Variants in CTNND2 observed in about 807,000 individuals in gnomAD.
CTNND2 encodes the protein catenin delta 2, also known as catenin delta-2.
A neutral mutation model predicts 144.4 loss-of-function variants in CTNND2; 22 were observed. The ratio of observed to expected loss-of-function variants is 0.15; its 90% CI spans 0.11 to 0.22. The LOEUF is 0.22. Ranked by LOEUF, CTNND2 falls within the 10% of genes least tolerant of loss-of-function variation. CTNND2 has a pLI of 1.00. For missense variants in CTNND2, 1,353 were observed against 1,618.8 expected (o/e 0.84, Z 2.82); for synonymous variants, 751 against 695.6 (o/e 1.08, Z -1.25).
At chr5:11,818,102 A>G (rs776070893) in intron 1 of CTNND2, among the ~76,000 whole-genome samples, 9 of 150,434 alleles carry the variant, frequency 6.0e-5, no homozygotes, top group Middle Eastern at 3.5e-3. Flanking sequence ...CATGCTTACT[A>G]ATACGACAGT....
chr5:11,591,147 C>T (rs891455223), intron 2 of CTNND2, among the ~76,000 whole-genome samples: 5 of 152,162 alleles, frequency 3.3e-5, no homozygotes, highest in African/African-American at 1.2e-4. Flanking sequence ...CATTTTTCAC[C>T]TAGAATGGAA....
At chr5:11,022,161 T>C (rs1742325290) in intron 17 of CTNND2, among the ~76,000 whole-genome samples, 2 of 152,300 alleles carry the variant, frequency 1.3e-5, no homozygotes, top group South Asian at 2.1e-4. Flanking sequence ...GCCTGGGAAA[T>C]TTCTACTCAT....
chr5:11,256,782 T>A (rs1744296276), intron 9 of CTNND2, among the ~76,000 whole-genome samples: 1 of 152,094 alleles, frequency 6.6e-6, no homozygotes, highest in Non-Finnish European at 1.5e-5. Context: ...CAAGGTGGGA[T>A]AAAAGAGTGG....
intron 1 of CTNND2, among the ~76,000 whole-genome samples, chr5:11,858,921 T>G (rs1423402989): frequency 6.6e-6 from 1 of 152,198 alleles, no homozygotes; most frequent in African/African-American, 2.4e-5. Context: ...AGAGTGAGAC[T>G]ACGTCTCAAA....
At chr5:11,344,789 T>C (rs1754605312) in intron 9 of CTNND2, among the ~76,000 whole-genome samples, 1 of 152,146 alleles carries the variant, frequency 6.6e-6, no homozygotes, top group East Asian at 1.9e-4. Context: ...GCTGTGTCAA[T>C]ATATTGAGAG....
intron 1 of CTNND2, among the ~76,000 whole-genome samples, chr5:11,758,970 A>G (rs1789103060): frequency 6.6e-6 from 1 of 152,074 alleles, no homozygotes; most frequent in Admixed American, 6.6e-5. Flanking sequence ...TTTAGTTGTT[A>G]GAAAATCAGT....
chr5:11,772,926 T>C (rs1790032430), intron 1 of CTNND2, among the ~76,000 whole-genome samples: 1 of 152,212 alleles, frequency 6.6e-6, no homozygotes, highest in African/African-American at 2.4e-5. Context: ...AAATAAATAA[T>C]GCTGCAGATT....
intron 16 of CTNND2, among the ~76,000 whole-genome samples, chr5:11,075,375 T>C (rs765725043): frequency 6.6e-6 from 1 of 152,314 alleles, no homozygotes; most frequent in East Asian, 1.9e-4. Flanking sequence ...TAGGAACATA[T>C]GGGGGCGTCA....
intron 2 of CTNND2, among the ~76,000 whole-genome samples, chr5:11,611,443 C>T (rs1041127711): frequency 1.3e-5 from 2 of 152,298 alleles, no homozygotes; most frequent in South Asian, 2.1e-4. Flanking sequence ...CACTTAATCA[C>T]GAAGTCTACA....
intron 3 of CTNND2, among the ~76,000 whole-genome samples, chr5:11,474,860 T>C (rs1452939537): frequency 2.0e-5 from 3 of 152,158 alleles, no homozygotes; most frequent in Non-Finnish European, 4.4e-5. Flanking sequence ...CCTTCCATGG[T>C]ACCCTTGAGG....
intron 2 of CTNND2, among the ~76,000 whole-genome samples, chr5:11,627,862 T>A (rs561717159): frequency 1.3e-5 from 2 of 150,448 alleles, no homozygotes; most frequent in African/African-American, 4.9e-5. Flanking sequence ...CAATGACAGA[T>A]CATCAGGCAT....
intron 10 of CTNND2, among the ~76,000 whole-genome samples, chr5:11,204,749 T>C (rs79511270): frequency 0.017 from 2,658 of 152,258 alleles, 29 homozygotes; most frequent in Admixed American, 0.025. Context: ...TGATGATGTA[T>C]AGTGGATAAA....
At chr5:11,208,871 T>A (rs2149842222) in intron 10 of CTNND2, among the ~76,000 whole-genome samples, 1 of 152,314 alleles carries the variant, frequency 6.6e-6, no homozygotes, top group South Asian at 2.1e-4. Flanking sequence ...GTTTAGATAC[T>A]TAGCATTGCT....
chr5:11,158,354 A>T (rs1260810649), intron 12 of CTNND2, among the ~76,000 whole-genome samples: 1 of 152,222 alleles, frequency 6.6e-6, no homozygotes, highest in East Asian at 1.9e-4. Context: ...GGATAACAGA[A>T]TTTAAGGGGT....
intron 1 of CTNND2, among the ~76,000 whole-genome samples, chr5:11,824,304 T>G (rs541377933): frequency 6.6e-6 from 1 of 152,200 alleles, no homozygotes; most frequent in South Asian, 2.1e-4. Flanking sequence ...AATCAACAAG[T>G]GTAAAACACA....
intron 2 of CTNND2, among the ~76,000 whole-genome samples, chr5:11,578,972 G>A (rs550207583): frequency 7.2e-5 from 11 of 152,150 alleles, no homozygotes; most frequent in African/African-American, 4.8e-5. Flanking sequence ...AACCCATGTG[G>A]GACAACAGGA....
intron 2 of CTNND2, among the ~76,000 whole-genome samples, chr5:11,587,657 G>A (rs1778961973): frequency 6.6e-6 from 1 of 151,862 alleles, no homozygotes; most frequent in African/African-American, 2.4e-5. Flanking sequence ...CAAAATTAAG[G>A]TGAAAATCAT....
intron 9 of CTNND2, among the ~76,000 whole-genome samples, chr5:11,299,397 C>T (rs1322294276): frequency 6.6e-6 from 1 of 152,136 alleles, no homozygotes; most frequent in East Asian, 1.9e-4. Context: ...AAGAGTCTCA[C>T]CCAAGGTTAC....
chr5:11,692,633 G>A (rs779420550), intron 2 of CTNND2, among the ~76,000 whole-genome samples: 8 of 152,118 alleles, frequency 5.3e-5, no homozygotes, highest in Non-Finnish European at 8.8e-5. Flanking sequence ...ATGGAGTATC[G>A]CTCTGTTGCC....
Sources: allele counts gnomAD v4.1 joint callset (sites outside exome capture counted in the v4.1 genomes callset), GRCh38; gene constraint gnomAD v4.1.1; transcripts MANE v1.5; gene names NCBI Gene and HGNC (gene_info 2026-07-23, HGNC 2026-07-21).